ERCC8: variants seen among roughly 807,000 people sequenced by gnomAD.
ERCC8 encodes the protein ERCC excision repair 8, CSA ubiquitin ligase complex subunit.
In ERCC8, 52 loss-of-function variants were observed where a neutral mutation model predicts 54.9. The ratio of observed to expected loss-of-function variants is 0.95; its 90% CI spans 0.76 to 1.19. The LOEUF (loss-of-function observed/expected upper bound fraction) is 1.19, where lower values mean the gene tolerates loss of function less well. ERCC8 is among the 50% of genes most tolerant of loss of function. The pLI is 0.00. For synonymous variants in ERCC8, 146 were observed against 157.2 expected (o/e 0.93, Z 0.53); for missense variants, 514 against 466.1 (o/e 1.10, Z -0.95).
intron 4 of ERCC8, among the ~76,000 whole-genome samples, chr5:60,906,633 G>A (rs987717549): frequency 2.6e-5 from 4 of 151,942 alleles, no homozygotes; most frequent in African/African-American, 9.7e-5. Context: ...AGAGGCTGAG[G>A]CAGGAGAATC....
chr5:60,887,485 C>T lies in ERCC8; in HGVS notation c.1077G>A (p.Leu359=). Residue 359 remains leucine, a synonymous_variant, in exon 11 of 12, where the codon CTG becomes CTA. Transcript: ENST00000676185. ...LYSGSRDCNI[L]AWVPSLYEPV... is the part of the protein sequence containing the mutation. ...GTTCATATAAGGATGGAACCCAAGC[C>T]AGAATGTTGCAGTCTCTGCTACCAC... The T allele has an allele frequency of 6.2e-7, 1 of 1,613,984 alleles. No homozygotes were observed. The highest frequency in any genetic ancestry group is 8.5e-7 in the Non-Finnish European group (1 of 1,179,886).
intron 4 of ERCC8, among the ~76,000 whole-genome samples, chr5:60,910,792 G>C (rs1395129283): frequency 6.6e-6 from 1 of 151,964 alleles, no homozygotes; most frequent in South Asian, 2.1e-4. Context: ...AATTTTCTAC[G>C]TTCATAATCA....
At chr5:60,929,492 C>A (rs535682657) in intron 1 of ERCC8, among the ~76,000 whole-genome samples, 1 of 152,164 alleles carries the variant, frequency 6.6e-6, no homozygotes, top group South Asian at 2.1e-4. Context: ...GAGACTGAGG[C>A]AGGAGGATTG....
At chr5:60,938,970 T>A (rs1354272145) in intron 1 of ERCC8, among the ~76,000 whole-genome samples, 8 of 152,220 alleles carry the variant, frequency 5.3e-5, no homozygotes, top group Non-Finnish European at 7.3e-5. Flanking sequence ...TTTTAAAATA[T>A]TTTAACTTAA....
chr5:60,899,985 ATTGT>A (rs998172405), intron 7 of ERCC8, among the ~76,000 whole-genome samples: 1 of 151,706 alleles, frequency 6.6e-6, no homozygotes, highest in African/African-American at 2.4e-5. Flanking sequence ...TGCTTTTTAT[ATTGT>A]TTTAAATTAC....
chr5:60,915,245 A>T (rs2112512352), intron 4 of ERCC8: 1 of 152,102 alleles, frequency 6.6e-6, no homozygotes, highest in South Asian at 2.1e-4. Context: ...TTTTACTCCT[A>T]AGCTCATTTG....
chr5:60,869,620 G>A lies in ERCC8; in HGVS notation c.*4995C>T, dbSNP rs1294093706. Among the ~76,000 whole-genome samples the A allele has an allele frequency of 1.3e-5, 2 of 152,108 alleles. No individual in the cohort carries two copies. Among genetic ancestry groups the A allele is most frequent in the East Asian group, 1.9e-4 (1 of 5,198 alleles). On this transcript the variant is annotated 3_prime_UTR_variant, in exon 12 of 12. Coordinates refer to ENST00000676185, the MANE Select transcript of ERCC8 (RefSeq NM_000082.4). ...GATAACTTTTTTTCTCTATTAAGGTGTTCCCTTAATTCTAAAGTAAAGGCA... is the reference window on the plus strand; with the variant it reads ...GATAACTTTTTTTCTCTATTAAGGTATTCCCTTAATTCTAAAGTAAAGGCA...
At chr5:60,913,016 G>A (rs1489539732) in intron 4 of ERCC8, among the ~76,000 whole-genome samples, 3 of 151,938 alleles carry the variant, frequency 2.0e-5, no homozygotes, top group South Asian at 2.1e-4. Flanking sequence ...GAGGATTTTC[G>A]GATCGATGTT....
At chr5:60,878,023 CTT>C (rs1162594260) in intron 11 of ERCC8, among the ~76,000 whole-genome samples, 1 of 152,076 alleles carries the variant, frequency 6.6e-6, no homozygotes, top group African/African-American at 2.4e-5. Context: ...ATAGATAGCT[CTT>C]GTTATTTTGA....
At chr5:60,930,770 A>C (rs1749886037) in intron 1 of ERCC8, among the ~76,000 whole-genome samples, 1 of 152,090 alleles carries the variant, frequency 6.6e-6, no homozygotes, top group South Asian at 2.1e-4. Flanking sequence ...CCAGACAAAC[A>C]GTAATGAGTT....
At chr5:60,882,996 C>T (rs1748286393) in intron 11 of ERCC8, among the ~76,000 whole-genome samples, 1 of 151,510 alleles carries the variant, frequency 6.6e-6, no homozygotes, top group African/African-American at 2.4e-5. Context: ...CACACACACA[C>T]ACACACACAT....
At chr5:60,940,888 T>C (rs1365315896) in intron 1 of ERCC8, among the ~76,000 whole-genome samples, 1 of 152,176 alleles carries the variant, frequency 6.6e-6, no homozygotes, top group African/African-American at 2.4e-5. Flanking sequence ...AAATCCAAAA[T>C]TTCCCTGCAT....
chr5:60,884,663 T>A (rs1224090492), intron 11 of ERCC8, among the ~76,000 whole-genome samples: 3 of 151,922 alleles, frequency 2.0e-5, no homozygotes, highest in African/African-American at 4.8e-5. Context: ...AGGAATAGGA[T>A]CTTCTGGACA....
rs1580059053 is a variant in ERCC8 at position 60,945,040 on chromosome 5, C to T, written c.-32G>A. 6.3e-7 allele frequency: 1 copy of T among 1,588,710 alleles called. No homozygotes were observed. The highest frequency in any genetic ancestry group is 1.3e-5 in the African/African-American group (1 of 74,492). ...TCCTCACACCGGCTGGAGCACTGGA[C>T]GTCGCCATGACAGAGCTCAGGGGCG... On this transcript the variant is annotated 5_prime_UTR_variant, in exon 1 of 12. Coordinates refer to ENST00000676185, the MANE Select transcript of ERCC8 (RefSeq NM_000082.4).
chr5:60,867,599 A>G lies in ERCC8; in HGVS notation c.*7016T>C, dbSNP rs949813737. On this transcript the variant is annotated 3_prime_UTR_variant, in exon 12 of 12. Transcript: ENST00000676185. ...TTAATAACTCAGTTCTCAAAGACTT[A>G]TTAGGAATGTTCTTTGTTTTAGCAT... Among the ~76,000 whole-genome samples the G allele has an allele frequency of 2.6e-5, 4 of 152,242 alleles. No homozygotes were observed. Among genetic ancestry groups the G allele is most frequent in the Non-Finnish European group, 5.9e-5 (4 of 68,040 alleles).
In ERCC8 at chr5:60,877,262, G is replaced by A. The variant is rs865897737; in HGVS notation, c.1123-2579C>T. On this transcript the variant is annotated intron_variant, in intron 11 of 11. Transcript: ENST00000676185. Reference sequence around the variant, plus strand: ...ATATCTCTGTTTTGGTACCAGTACCGTGCTGTTTTGGTTACTGTAGCCTTG... The same window carrying A: ...ATATCTCTGTTTTGGTACCAGTACCATGCTGTTTTGGTTACTGTAGCCTTG... 5.1e-4 allele frequency among the ~76,000 whole-genome samples: 78 copies of A among 152,226 alleles called. 1 individual carries two copies. Among genetic ancestry groups the A allele is most frequent in the African/African-American group, 9.1e-4 (38 of 41,556 alleles).
At chr5:60,921,898 A>G (rs1749610554) in intron 3 of ERCC8, among the ~76,000 whole-genome samples, 156 bp downstream of exon 3, 1 of 151,928 alleles carries the variant, frequency 6.6e-6, no homozygotes, top group Non-Finnish European at 1.5e-5. Flanking sequence ...GTCAGTTACT[A>G]TTTTCAAGAA....
At chr5:60,919,314 G>A (rs569518863) in intron 3 of ERCC8, 2 of 152,064 alleles carry the variant, frequency 1.3e-5, no homozygotes, top group East Asian at 3.9e-4. Flanking sequence ...GTGAAGCTGG[G>A]TGATTGATAC....
chr5:60,913,862 T>C (rs1017694887), intron 4 of ERCC8, among the ~76,000 whole-genome samples: 2 of 152,186 alleles, frequency 1.3e-5, no homozygotes. Flanking sequence ...CCAGTAGTTA[T>C]TCAGGAGCAG....
Sources: gnomAD v4.1 joint callset for allele counts (sites outside exome capture counted in the v4.1 genomes callset) on GRCh38, gnomAD v4.1.1 for gene constraint, MANE v1.5 for transcripts, NCBI Gene and HGNC (gene_info 2026-07-23, HGNC 2026-07-21) for gene names.